SAMD5: variants seen among roughly 807,000 people sequenced by gnomAD.
SAMD5 encodes sterile alpha motif domain-containing protein 5.
A neutral mutation model predicts 11.3 loss-of-function variants in SAMD5; 13 were observed. That is an observed-to-expected ratio of 1.15 (90% CI 0.75 to 1.83). The LOEUF is 1.83. SAMD5 is among the 40% of genes most tolerant of loss of function. The pLI, the probability that SAMD5 is intolerant of heterozygous loss-of-function variation, is 0.00. For synonymous variants in SAMD5, 129 were observed against 111.3 expected, an observed-to-expected ratio of 1.16 and a Z score of -1.00; for missense variants, 255 against 239.1, an observed-to-expected ratio of 1.07 and a Z score of -0.44.
intron 1 of SAMD5, among the ~76,000 whole-genome samples, chr6:147,700,256 CT>C (rs1228895381): frequency 6.6e-6 from 1 of 152,128 alleles, no homozygotes; most frequent in Non-Finnish European, 1.5e-5. Flanking sequence ...TCCATCCTGC[CT>C]TGCGTGATCC....
chr6:147,608,080 T>A (rs1234530824), intron 1 of SAMD5, among the ~76,000 whole-genome samples: 1 of 152,144 alleles, frequency 6.6e-6, no homozygotes, highest in Non-Finnish European at 1.5e-5. Context: ...ATCAAAACTA[T>A]AATGAGATAT....
At chr6:147,763,783 C>G in the SAMD5 span, among the ~76,000 whole-genome samples, 2 of 151,890 alleles carry the variant, frequency 1.3e-5, no homozygotes, top group Non-Finnish European at 2.9e-5. Flanking sequence ...GGGGTTTCAC[C>G]GTGTTAGCCA....
At chr6:147,614,869 G>A (rs1290585339) in intron 1 of SAMD5, among the ~76,000 whole-genome samples, 2 of 151,810 alleles carry the variant, frequency 1.3e-5, no homozygotes, top group Non-Finnish European at 2.9e-5. Flanking sequence ...TGTGTCCGTG[G>A]ATTCAACCAA....
At chr6:147,951,334 A>C in the SAMD5 span, among the ~76,000 whole-genome samples, 1 of 151,768 alleles carries the variant, frequency 6.6e-6, no homozygotes, top group African/African-American at 2.4e-5. Context: ...GGAGCCCACC[A>C]ACACGCCCGG....
chr6:147,717,482 C>T (rs1324259378), intron 1 of SAMD5, among the ~76,000 whole-genome samples: 1 of 152,154 alleles, frequency 6.6e-6, no homozygotes, highest in Admixed American at 6.5e-5. Context: ...AGGTTATCTG[C>T]CTTTCTAACT....
chr6:147,915,925 C>T, the SAMD5 span, among the ~76,000 whole-genome samples: 4 of 132,472 alleles, frequency 3.0e-5, no homozygotes, highest in Admixed American at 2.4e-4. Context: ...CAACAGGCCC[C>T]GGTGTGTGAT....
the SAMD5 span, among the ~76,000 whole-genome samples, chr6:147,788,334 A>G: frequency 2.0e-5 from 3 of 152,244 alleles, no homozygotes; most frequent in East Asian, 3.8e-4. Context: ...AACAGAAATT[A>G]CTGAAGAGTT....
the SAMD5 span, among the ~76,000 whole-genome samples, chr6:147,767,190 G>GTATCTTCT: frequency 1.3e-5 from 2 of 152,202 alleles, no homozygotes; most frequent in Non-Finnish European, 2.9e-5. Context: ...ATCTTAGGTT[G>GTATCTTCT]GGTTCCCTGT....
At position 147,569,856 on chromosome 6, in the gene SAMD5, A is replaced by G; in HGVS notation, c.*5400A>G. ...TTTTGTAAATGTAATTGCAATTGAC[A>G]CTTTCTTTTCCCTTTCAGTTATTAT... On this transcript the variant is annotated 3_prime_UTR_variant, in exon 2 of 2. Coordinates refer to ENST00000367474, the MANE Select transcript of SAMD5 (RefSeq NM_001030060.3). 4.1e-6 allele frequency: 4 copies of G among 985,074 alleles called. No homozygotes were observed. Among genetic ancestry groups the G allele is most frequent in the Non-Finnish European group, 4.8e-6 (4 of 829,632 alleles). The allele number at this position is 985,074 out of a possible 1,614,324, so 61.0% of individuals were successfully genotyped here. A position where few individuals can be genotyped will look rare whatever the true frequency, so the allele number is the denominator to read the frequency against.
intron 1 of SAMD5, among the ~76,000 whole-genome samples, chr6:147,614,887 C>A (rs557391659): frequency 1.3e-4 from 19 of 151,882 alleles, no homozygotes; most frequent in Non-Finnish European, 2.4e-4. Flanking sequence ...CAACCATAGA[C>A]TGAAAATATT....
chr6:147,838,540 C>CCT, the SAMD5 span, among the ~76,000 whole-genome samples: 1 of 145,364 alleles, frequency 6.9e-6, no homozygotes, highest in African/African-American at 2.5e-5. Context: ...TGCCCCCCCC[C>CCT]CGTAGTTATT....
Position 147,568,594 on chromosome 6 carries a change from C to T in SAMD5, c.*4138C>T, listed in dbSNP as rs1252039618. The T allele has an allele frequency of 2.0e-6, 2 of 985,198 alleles. No individual in the cohort carries two copies. Among genetic ancestry groups the T allele is most frequent in the Non-Finnish European group, 2.4e-6 (2 of 829,862 alleles). 61.0% of individuals were successfully genotyped at this position (985,198 alleles called of 1,614,324 possible). A position where few individuals can be genotyped will look rare whatever the true frequency, so the allele number is the denominator to read the frequency against. ...ACAAAGTATTAGGAATTTTTTATAT[C>T]AGCTGACATCTTGTGCTTACAGTAA... On this transcript the variant is annotated 3_prime_UTR_variant, in exon 2 of 2. Coordinates refer to ENST00000367474, the MANE Select transcript of SAMD5 (RefSeq NM_001030060.3).
chr6:147,651,461 G>C (rs1790482013), intron 1 of SAMD5, among the ~76,000 whole-genome samples: 1 of 152,166 alleles, frequency 6.6e-6, no homozygotes, highest in South Asian at 2.1e-4. Flanking sequence ...CAGGGTGATG[G>C]TATTAAGAGG....
At chr6:147,552,447 C>T (rs536612893) in intron 1 of SAMD5, among the ~76,000 whole-genome samples, 1 of 152,266 alleles carries the variant, frequency 6.6e-6, no homozygotes, top group Non-Finnish European at 1.5e-5. Flanking sequence ...TCAGAAGATA[C>T]CATTCCCCTG....
the SAMD5 span, among the ~76,000 whole-genome samples, chr6:147,946,872 T>C: frequency 6.6e-6 from 1 of 152,224 alleles, no homozygotes. Context: ...CAATTCTGAA[T>C]ATTTTGGATC....
chr6:147,671,191 T>G (rs578153336), intron 1 of SAMD5, among the ~76,000 whole-genome samples: 17 of 152,306 alleles, frequency 1.1e-4, no homozygotes, highest in South Asian at 4.1e-4. Flanking sequence ...GGGAGCAGTT[T>G]GTGGCACCCC....
the SAMD5 span, among the ~76,000 whole-genome samples, chr6:147,761,993 G>A: frequency 4.6e-5 from 7 of 151,894 alleles, no homozygotes; most frequent in East Asian, 3.9e-4. Flanking sequence ...AATTACATAT[G>A]TGAGCCACCA....
At chr6:147,825,594 T>C in the SAMD5 span, among the ~76,000 whole-genome samples, 1 of 152,218 alleles carries the variant, frequency 6.6e-6, no homozygotes, top group African/African-American at 2.4e-5. Context: ...TTTTTTCTTT[T>C]ACTGTTCCGT....
rs1789041286 is a variant in SAMD5 at position 147,566,389 on chromosome 6, T to C, written c.*1933T>C. 2 of 985,180 alleles carry C rather than the reference T, an allele frequency of 2.0e-6. No individual in the cohort carries two copies. Among genetic ancestry groups the C allele is most frequent in the African/African-American group, 1.7e-5 (1 of 57,216 alleles). 61.0% of individuals were successfully genotyped at this position (985,180 alleles called of 1,614,324 possible). Reference sequence around the variant, plus strand: ...AGATTACAGATATAATTTATTGTGATAACAAATGGCTTCCTGTTTGACCTC... The same window carrying C: ...AGATTACAGATATAATTTATTGTGACAACAAATGGCTTCCTGTTTGACCTC... On this transcript the variant is annotated 3_prime_UTR_variant, in exon 2 of 2. Transcript: ENST00000367474.
Sources: allele counts gnomAD v4.1 joint callset (sites outside exome capture counted in the v4.1 genomes callset), GRCh38; gene constraint gnomAD v4.1.1; transcripts MANE v1.5; gene names NCBI Gene and HGNC (gene_info 2026-07-23, HGNC 2026-07-21).